SPOCK1: variants seen among roughly 807,000 people sequenced by gnomAD.
SPOCK1 encodes SPARC (osteonectin), cwcv and kazal like domains proteoglycan 1.
Under a neutral mutation model 55.3 loss-of-function variants are expected in SPOCK1, and 23 were observed. That is an observed-to-expected ratio of 0.42 (90% CI 0.30 to 0.59). SPOCK1 has a LOEUF of 0.59. Ranked by LOEUF, SPOCK1 falls within the 20% of genes least tolerant of loss-of-function variation. The pLI, the probability that SPOCK1 is intolerant of heterozygous loss-of-function variation, is 0.22. For missense variants in SPOCK1, 499 were observed against 552.5 expected (o/e 0.90, Z 0.97); for synonymous variants, 226 against 221.0 (o/e 1.02, Z -0.20).
At chr5:137,078,006 G>T (rs1247596471) in intron 5 of SPOCK1, among the ~76,000 whole-genome samples, 1 of 152,086 alleles carries the variant, frequency 6.6e-6, no homozygotes, top group African/African-American at 2.4e-5. Context: ...ATGAAAGAAG[G>T]AGAGAGCAAG....
chr5:137,156,325 T>C (rs1026006721), intron 3 of SPOCK1, among the ~76,000 whole-genome samples: 1 of 152,174 alleles, frequency 6.6e-6, no homozygotes, highest in South Asian at 2.1e-4. Context: ...ACCACACTGC[T>C]TAAATTCCAA....
At chr5:137,011,764 A>G (rs771525019) in intron 6 of SPOCK1, among the ~76,000 whole-genome samples, 1 of 152,146 alleles carries the variant, frequency 6.6e-6, no homozygotes. Flanking sequence ...ACTTGGGTGT[A>G]AGTAGTTTCC....
intron 2 of SPOCK1, among the ~76,000 whole-genome samples, chr5:137,323,313 G>A (rs545602501): frequency 3.9e-5 from 6 of 152,178 alleles, no homozygotes; most frequent in Non-Finnish European, 7.3e-5. Context: ...CAGGATGGAA[G>A]TGAAAGGGTG....
At chr5:137,432,540 T>C (rs1391174621) in intron 2 of SPOCK1, among the ~76,000 whole-genome samples, 2 of 152,192 alleles carry the variant, frequency 1.3e-5, no homozygotes, top group Non-Finnish European at 2.9e-5. Context: ...GCCTGACTTA[T>C]GTGAGGCACC....
chr5:137,231,198 C>A (rs1756054821), intron 3 of SPOCK1, among the ~76,000 whole-genome samples: 1 of 152,178 alleles, frequency 6.6e-6, no homozygotes, highest in Non-Finnish European at 1.5e-5. Context: ...GCATGCGCCA[C>A]CACAACCAGC....
At chr5:137,484,991 A>T (rs1271628940) in intron 2 of SPOCK1, among the ~76,000 whole-genome samples, 1 of 152,176 alleles carries the variant, frequency 6.6e-6, no homozygotes, top group Non-Finnish European at 1.5e-5. Context: ...ATGATAATAA[A>T]ACCACGAAAA....
At chr5:137,354,494 G>A (rs1750749517) in intron 2 of SPOCK1, among the ~76,000 whole-genome samples, 1 of 152,074 alleles carries the variant, frequency 6.6e-6, no homozygotes, top group South Asian at 2.1e-4. Context: ...CTGCATACTC[G>A]ACTTCTCTCT....
intron 2 of SPOCK1, among the ~76,000 whole-genome samples, chr5:137,295,722 GAA>G (rs5871632): frequency 1.1e-3 from 167 of 149,714 alleles, no homozygotes; most frequent in Middle Eastern, 3.4e-3. Flanking sequence ...CATTTTTACT[GAA>G]AAAAAAAAAA....
intron 2 of SPOCK1, among the ~76,000 whole-genome samples, chr5:137,375,351 T>C (rs1751290238): frequency 6.6e-6 from 1 of 152,206 alleles, no homozygotes; most frequent in South Asian, 2.1e-4. Flanking sequence ...GAATTCACTT[T>C]ATATCAAATT....
At chr5:137,456,645 A>C (rs1753374212) in intron 2 of SPOCK1, among the ~76,000 whole-genome samples, 1 of 152,196 alleles carries the variant, frequency 6.6e-6, no homozygotes, top group Non-Finnish European at 1.5e-5. Flanking sequence ...ATGTATATGA[A>C]AGGAGAAAGT....
chr5:137,219,354 A>G (rs1489134020), intron 3 of SPOCK1, among the ~76,000 whole-genome samples: 2 of 152,178 alleles, frequency 1.3e-5, no homozygotes, highest in African/African-American at 2.4e-5. Flanking sequence ...GGGATTGGAA[A>G]AAGTAAGAGT....
At chr5:137,149,922 G>A (rs993255404) in intron 3 of SPOCK1, among the ~76,000 whole-genome samples, 1 of 152,198 alleles carries the variant, frequency 6.6e-6, no homozygotes, top group African/African-American at 2.4e-5. Context: ...CAGGCAAACA[G>A]ATCCACTTTA....
rs1754240559 is a variant in SPOCK1 at position 137,493,804 on chromosome 5, C to T, written c.186+4569G>A. On this transcript the variant is annotated intron_variant, in intron 2 of 10. Transcript: ENST00000394945. Reference sequence around the variant, plus strand: ...ACTGATCCACTAAGCCATACCACCTCTTTTGTCACCAGCCCCACTGACTGG... The same window carrying T: ...ACTGATCCACTAAGCCATACCACCTTTTTTGTCACCAGCCCCACTGACTGG... 1.3e-5 allele frequency among the ~76,000 whole-genome samples: 2 copies of T among 152,220 alleles called. 1 individual carries two copies. Among genetic ancestry groups the T allele is most frequent in the Admixed American group, 1.3e-4 (2 of 15,280 alleles).
intron 3 of SPOCK1, among the ~76,000 whole-genome samples, chr5:137,160,542 T>TATATTATATATA (rs1754511861): frequency 1.4e-4 from 7 of 51,376 alleles, no homozygotes; most frequent in African/African-American, 4.2e-4. Context: ...AAATATATAA[T>TATATTATATATA]ATATATAATA....
chr5:137,389,837 C>T (rs1247104902), intron 2 of SPOCK1, among the ~76,000 whole-genome samples: 1 of 152,188 alleles, frequency 6.6e-6, no homozygotes. Context: ...TTCAGACATG[C>T]TTGATGGCAT....
rs1040751146 is a variant in SPOCK1, at chr5:137,238,993, A to G, written c.232+28017T>C. ...GAGAGAAGCATCTTTTGGTATTCAC[A>G]GTAAGATCCTTTTAACCCCATATGA... is the stretch of plus-strand genomic sequence containing the variant. On this transcript the variant is annotated intron_variant, in intron 3 of 10. Coordinates refer to ENST00000394945, the MANE Select transcript of SPOCK1 (RefSeq NM_004598.4). Among the ~76,000 whole-genome samples, 6 of 152,364 alleles carry G rather than the reference A, an allele frequency of 3.9e-5. No homozygotes were observed. In the South Asian group the frequency reaches 6.2e-4, roughly 16 times the overall value.
At chr5:136,989,798 G>T (rs756093878) in intron 7 of SPOCK1, among the ~76,000 whole-genome samples, 2 of 152,074 alleles carry the variant, frequency 1.3e-5, no homozygotes, top group African/African-American at 2.4e-5. Flanking sequence ...TGCAAGGGGG[G>T]GCCTGATGGG....
intron 2 of SPOCK1, among the ~76,000 whole-genome samples, chr5:137,428,040 T>TA (rs1421230469): frequency 1.3e-5 from 2 of 152,288 alleles, no homozygotes; most frequent in East Asian, 3.9e-4. Flanking sequence ...ACCTGCACTG[T>TA]AGAACCCAGA....
rs528554856 is a variant in SPOCK1 at position 137,207,952 on chromosome 5, C to T, written c.232+59058G>A. 2.0e-5 allele frequency among the ~76,000 whole-genome samples: 3 copies of T among 152,256 alleles called. No individual in the cohort carries two copies. In the South Asian group the frequency reaches 6.2e-4, roughly 32 times the overall value. ...AAAAAATCAGAAATTTCATCCTTTA[C>T]TCTCCCTGGAAGGCATTTTAAAAGG... On this transcript the variant is annotated intron_variant, in intron 3 of 10. Coordinates refer to ENST00000394945, the MANE Select transcript of SPOCK1 (RefSeq NM_004598.4).
Sources: allele counts gnomAD v4.1 joint callset (sites outside exome capture counted in the v4.1 genomes callset), GRCh38; gene constraint gnomAD v4.1.1; transcripts MANE v1.5; gene names NCBI Gene and HGNC (gene_info 2026-07-23, HGNC 2026-07-21).